USH2A: variants seen among roughly 807,000 people sequenced by gnomAD.
USH2A encodes Usher syndrome 2A (autosomal recessive, mild).
In USH2A, 443 loss-of-function variants were observed where a neutral mutation model predicts 538.9. That is an observed-to-expected ratio of 0.82 (90% CI 0.76 to 0.89). The LOEUF is 0.89. Ranked by LOEUF, USH2A falls within the 40% of genes least tolerant of loss-of-function variation. The pLI is 0.00. For synonymous variants in USH2A, 2,413 were observed against 2,273.5 expected (o/e 1.06, Z -1.75); for missense variants, 6,633 against 6,324.8 (o/e 1.05, Z -1.65).
chr1:215,705,561 A>G (rs950976680), intron 61 of USH2A, among the ~76,000 whole-genome samples: 1 of 152,242 alleles, frequency 6.6e-6, no homozygotes, highest in Admixed American at 6.5e-5. Flanking sequence ...GTAAAAATCA[A>G]TGAGATTTCT....
chr1:215,690,955 C>T (rs1413862061), intron 61 of USH2A, among the ~76,000 whole-genome samples: 1 of 152,060 alleles, frequency 6.6e-6, no homozygotes, highest in East Asian at 1.9e-4. Flanking sequence ...AGCCTCTTGG[C>T]TCACTGCAAC....
At chr1:215,851,991 C>T (rs1664030635) in intron 44 of USH2A, among the ~76,000 whole-genome samples, 1 of 152,100 alleles carries the variant, frequency 6.6e-6, no homozygotes, top group Non-Finnish European at 1.5e-5. Flanking sequence ...TCCAGCATCC[C>T]TTTATAATTA....
chr1:215,811,960 C>A (rs956383424), intron 49 of USH2A, among the ~76,000 whole-genome samples: 4 of 147,008 alleles, frequency 2.7e-5, no homozygotes, highest in African/African-American at 7.5e-5. Context: ...AAACAAAAAA[C>A]CAACCAAAAA....
rs756177409 is a variant in USH2A, at chr1:216,086,735, G to A, written c.4971C>T (p.Ile1657=). The A allele has an allele frequency of 6.2e-7, 1 of 1,612,420 alleles. No individual in the cohort carries two copies. ...FLGGLPRSYT[I]LRKDPEIIQK... ...TAAACTCACCAGGATCCTTCCTGAG[G>A]ATGGTATAACTTCGCGGGAGCCCTC... The change falls in exon 24 of 72, where the codon ATC becomes ATT. Residue 1657 remains isoleucine, a synonymous_variant. Coordinates refer to ENST00000307340, the MANE Select transcript of USH2A (RefSeq NM_206933.4).
At chr1:215,827,358 C>T (rs1244871272) in intron 47 of USH2A, among the ~76,000 whole-genome samples, 1 of 152,070 alleles carries the variant, frequency 6.6e-6, no homozygotes, top group African/African-American at 2.4e-5. Flanking sequence ...CACTCAAAGG[C>T]TACTTCAGCG....
chr1:215,845,713 C>G (rs1663820786), intron 45 of USH2A, 111 bp downstream of exon 45: 4 of 1,227,000 alleles, frequency 3.3e-6, no homozygotes, highest in Middle Eastern at 2.7e-4. Context: ...ACCCCCTTCC[C>G]TCCCACACCG....
chr1:216,393,026 T>C (rs1381657732), intron 3 of USH2A, among the ~76,000 whole-genome samples: 1 of 152,224 alleles, frequency 6.6e-6, no homozygotes, highest in African/African-American at 2.4e-5. Context: ...GTTGTATACA[T>C]AGTAGATATC....
intron 64 of USH2A, among the ~76,000 whole-genome samples, chr1:215,651,354 TC>T (rs1657075224): frequency 6.6e-6 from 1 of 152,162 alleles, no homozygotes; most frequent in Admixed American, 6.5e-5. Context: ...TTGTAGAATG[TC>T]AGGTACAATA....
At chr1:216,308,174 TA>T (rs990317579) in intron 9 of USH2A, among the ~76,000 whole-genome samples, 1 of 152,256 alleles carries the variant, frequency 6.6e-6, no homozygotes, top group Non-Finnish European at 1.5e-5. Flanking sequence ...TGTATTATTC[TA>T]AAACAAGCTT....
chr1:215,746,716 A>G (rs1288503451), intron 58 of USH2A, among the ~76,000 whole-genome samples: 1 of 152,246 alleles, frequency 6.6e-6, no homozygotes, highest in Non-Finnish European at 1.5e-5. Context: ...TGTGACCACA[A>G]ATATTCCTTG....
intron 3 of USH2A, among the ~76,000 whole-genome samples, chr1:216,377,494 G>A (rs2102727344): frequency 6.6e-6 from 1 of 152,238 alleles, no homozygotes; most frequent in East Asian, 1.9e-4. Flanking sequence ...ACACAGATAA[G>A]ATAGTGGCAT....
At chr1:215,663,631 G>T (rs1271796788) in intron 64 of USH2A, among the ~76,000 whole-genome samples, 3 of 152,144 alleles carry the variant, frequency 2.0e-5, no homozygotes, top group African/African-American at 7.2e-5. Flanking sequence ...CTCAATCATA[G>T]TCCTCTGTTC....
intron 46 of USH2A, among the ~76,000 whole-genome samples, chr1:215,838,362 A>G (rs1289446470): frequency 6.6e-6 from 1 of 152,222 alleles, no homozygotes; most frequent in Admixed American, 6.5e-5. Flanking sequence ...CTATTCACAA[A>G]GAGAAAGATA....
chr1:216,364,161 T>C (rs1449859512), intron 4 of USH2A, among the ~76,000 whole-genome samples: 1 of 151,904 alleles, frequency 6.6e-6, no homozygotes, highest in East Asian at 1.9e-4. Context: ...ATATATAGTA[T>C]ATGATATCTT....
intron 54 of USH2A, 37 bp from the exon 55 acceptor site, chr1:215,780,078 T>C (rs376821310): frequency 8.1e-6 from 13 of 1,603,970 alleles, no homozygotes; most frequent in Non-Finnish European, 1.1e-5. Context: ...TTTATTGTAA[T>C]AGTGCACTAG....
At position 216,423,249 on chromosome 1, in the gene USH2A, G is replaced by C. The variant is rs894798853; in HGVS notation, c.-240C>G. 2 of 152,186 alleles carry C rather than the reference G, an allele frequency of 1.3e-5. No individual in the cohort carries two copies. The highest frequency in any genetic ancestry group is 4.8e-5 in the African/African-American group (2 of 41,456). 9.4% of individuals were successfully genotyped at this position (152,186 alleles called of 1,614,324 possible). On this transcript the variant is annotated 5_prime_UTR_variant, in exon 1 of 72. Coordinates refer to ENST00000307340, the MANE Select transcript of USH2A (RefSeq NM_206933.4). ...TTGCATTTCAACCAGTCCCCTCAGTGTGACAAATGGCTCTTCAACAGGACC... is the reference window on the plus strand; with the variant it reads ...TTGCATTTCAACCAGTCCCCTCAGTCTGACAAATGGCTCTTCAACAGGACC...
At chr1:215,650,325 T>C (rs1401901176) in intron 65 of USH2A, among the ~76,000 whole-genome samples, 1 of 152,168 alleles carries the variant, frequency 6.6e-6, no homozygotes, top group East Asian at 1.9e-4. Context: ...TGTGATTGCC[T>C]TTAAAGTCTT....
chr1:215,666,367 A>G (rs1016197169), intron 64 of USH2A, among the ~76,000 whole-genome samples: 1 of 152,222 alleles, frequency 6.6e-6, no homozygotes, highest in African/African-American at 2.4e-5. Context: ...CTAGTTTCAC[A>G]TCAAAACAAT....
chr1:216,021,315 C>T (rs190431866), intron 32 of USH2A, among the ~76,000 whole-genome samples: 2 of 152,204 alleles, frequency 1.3e-5, no homozygotes, highest in Non-Finnish European at 2.9e-5. Context: ...CAGTTTCCCC[C>T]ATACTGTTCT....
Sources: gnomAD v4.1 joint callset for allele counts (sites outside exome capture counted in the v4.1 genomes callset) on GRCh38, gnomAD v4.1.1 for gene constraint, MANE v1.5 for transcripts, NCBI Gene and HGNC (gene_info 2026-07-23, HGNC 2026-07-21) for gene names.